The following GBP7 variants were observed in gnomAD, a reference collection of about 807,000 sequenced individuals.
GBP7 encodes guanylate-binding protein 7.
GBP7 carries 43 observed loss-of-function variants against 61.3 expected under a neutral mutation model. The ratio of observed to expected loss-of-function variants is 0.70; its 90% CI spans 0.55 to 0.91. GBP7 has a LOEUF of 0.91. Among genes scored for constraint, GBP7 ranks in the 40% least tolerant of loss-of-function variants. The pLI is 0.00. For synonymous variants in GBP7, 267 were observed against 271.0 expected, an observed-to-expected ratio of 0.99 and a Z score of 0.14; for missense variants, 717 against 740.5, an observed-to-expected ratio of 0.97 and a Z score of 0.37.
intron 3 of GBP7, among the ~76,000 whole-genome samples, chr1:89,160,977 T>C (rs572246576): frequency 6.6e-6 from 1 of 152,246 alleles, no homozygotes; most frequent in South Asian, 2.1e-4. Context: ...GTTGTTTCCC[T>C]CTATGTGTCC....
At chr1:89,166,802 T>G (rs1255254044) in intron 2 of GBP7, among the ~76,000 whole-genome samples, 1 of 152,240 alleles carries the variant, frequency 6.6e-6, no homozygotes, top group Non-Finnish European at 1.5e-5. Context: ...AACTGTAAAC[T>G]TGCAAGTGGT....
chr1:89,171,615 A>T, intron 2 of GBP7, 131 bp downstream of exon 2: 1 of 707,404 alleles, frequency 1.4e-6, no homozygotes, highest in Non-Finnish European at 2.2e-6. Context: ...TGAAGGGTTC[A>T]CTGATGAATT....
chr1:89,165,778 G>T lies in GBP7; in HGVS notation c.191-920C>A, dbSNP rs141835174. Among the ~76,000 whole-genome samples, 398 of 151,916 alleles carry T rather than the reference G, an allele frequency of 2.6e-3. 4 individuals are homozygous for T. The highest frequency in any genetic ancestry group is 9.3e-3 in the African/African-American group (387 of 41,418). On this transcript the variant is annotated intron_variant, in intron 2 of 10. Transcript: ENST00000294671. ...CAACAGGGCCTGTTGGGGGGTGGGG[G>T]CTAGGGGAGGGATAGTATTAGGAGA...
intron 10 of GBP7, among the ~76,000 whole-genome samples, 178 bp downstream of exon 10, chr1:89,133,080 G>C (rs1222469725): frequency 6.6e-6 from 1 of 152,198 alleles, no homozygotes; most frequent in Non-Finnish European, 1.5e-5. Context: ...ATGACAGAAA[G>C]TGCTGAAGTC....
chr1:89,140,895 C>T (rs2100639491), intron 9 of GBP7, among the ~76,000 whole-genome samples: 1 of 152,260 alleles, frequency 6.6e-6, no homozygotes, highest in African/African-American at 2.4e-5. Flanking sequence ...ATGTTCTTTG[C>T]AGCACTGTGG....
intron 9 of GBP7, among the ~76,000 whole-genome samples, chr1:89,136,220 C>G (rs760340114): frequency 1.2e-4 from 19 of 152,098 alleles, no homozygotes; most frequent in Non-Finnish European, 2.6e-4. Context: ...TAGTTGGAGT[C>G]TTCAACACTC....
At chr1:89,136,227 A>T (rs1324823811) in intron 9 of GBP7, among the ~76,000 whole-genome samples, 1 of 152,174 alleles carries the variant, frequency 6.6e-6, no homozygotes, top group Non-Finnish European at 1.5e-5. Flanking sequence ...AGTCTTCAAC[A>T]CTCCACTGAC....
At chr1:89,139,716 G>A (rs1167155951) in intron 9 of GBP7, among the ~76,000 whole-genome samples, 1 of 152,238 alleles carries the variant, frequency 6.6e-6, no homozygotes, top group African/African-American at 2.4e-5. Context: ...GGCCATCAGA[G>A]AAATGCAAAT....
chr1:89,139,526 A>G (rs2100638148), intron 9 of GBP7, among the ~76,000 whole-genome samples: 1 of 152,364 alleles, frequency 6.6e-6, no homozygotes, highest in East Asian at 1.9e-4. Flanking sequence ...AAATGGGAGA[A>G]AATTTTTGCA....
In GBP7 at chr1:89,132,325, G is replaced by T. The variant is rs749385453; in HGVS notation, c.1741C>A (p.Gln581Lys). ...TCTTCATTTTCAGCTGCTTCAATTT[G>T]TTCTTTCAGTCGATTAATCTCTTCA... is the stretch of plus-strand genomic sequence containing the variant. ...LNEEINRLKE[Q>K]IEAAENEEPS... The change falls in exon 11 of 11, where the codon CAA becomes AAA. Residue 581 changes from glutamine (Q) to lysine (K), a missense_variant. Physicochemically the swap from Gln to Lys is moderately conservative, Grantham distance 53. Coordinates refer to ENST00000294671, the MANE Select transcript of GBP7 (RefSeq NM_207398.3). 3 of 1,613,434 alleles carry T rather than the reference G, an allele frequency of 1.9e-6. No homozygotes were observed. Among genetic ancestry groups the T allele is most frequent in the Non-Finnish European group, 2.5e-6 (3 of 1,179,650 alleles).
intron 3 of GBP7, among the ~76,000 whole-genome samples, chr1:89,154,153 T>G (rs908636579): frequency 1.3e-5 from 2 of 152,196 alleles, no homozygotes; most frequent in African/African-American, 4.8e-5. Context: ...ATTTGTATAT[T>G]TTGGTCCCTT....
chr1:89,157,465 G>A (rs970730552), intron 3 of GBP7, among the ~76,000 whole-genome samples: 9 of 151,712 alleles, frequency 5.9e-5, no homozygotes, highest in Non-Finnish European at 1.0e-4. Flanking sequence ...CTACCAAGAC[G>A]AATAAAGAAG....
In GBP7 at chr1:89,132,056, T is replaced by A. The variant is rs1379495591; in HGVS notation, c.*93A>T. 1.8e-6 allele frequency: 2 copies of A among 1,094,970 alleles called. No homozygotes were observed. Among genetic ancestry groups the A allele is most frequent in the African/African-American group, 3.2e-5 (2 of 62,852 alleles). The allele number at this position is 1,094,970 out of a possible 1,614,324, so 67.8% of individuals were successfully genotyped here. ...GGCCATAATATTCTTTGAAATTTGCTTTTTAATTTTAAACTTTTCTTAAAT... is the reference window on the plus strand; with the variant it reads ...GGCCATAATATTCTTTGAAATTTGCATTTTAATTTTAAACTTTTCTTAAAT... On this transcript the variant is annotated 3_prime_UTR_variant, in exon 11 of 11. Transcript: ENST00000294671.
chr1:89,142,901 G>A (rs1681985506), intron 8 of GBP7, among the ~76,000 whole-genome samples: 1 of 152,042 alleles, frequency 6.6e-6, no homozygotes, highest in Non-Finnish European at 1.5e-5. Context: ...CACTTTCATT[G>A]TGATATAGTA....
chr1:89,166,924 A>T (rs952646035), intron 2 of GBP7, among the ~76,000 whole-genome samples: 3 of 152,106 alleles, frequency 2.0e-5, no homozygotes, highest in Non-Finnish European at 4.4e-5. Flanking sequence ...AAACAAATAA[A>T]CTTTTGTTTC....
chr1:89,159,769 G>A (rs1419963396), intron 3 of GBP7, among the ~76,000 whole-genome samples: 1 of 152,196 alleles, frequency 6.6e-6, no homozygotes, highest in Admixed American at 6.5e-5. Context: ...TGGTGGGACC[G>A]TAATCTAGTT....
intron 3 of GBP7, among the ~76,000 whole-genome samples, chr1:89,159,810 A>G (rs760520060): frequency 6.6e-6 from 1 of 152,194 alleles, no homozygotes; most frequent in African/African-American, 2.4e-5. Context: ...TGGTGATTCC[A>G]CAAGGATCTA....
intron 3 of GBP7, among the ~76,000 whole-genome samples, chr1:89,154,348 C>A (rs890221224): frequency 6.6e-6 from 1 of 152,078 alleles, no homozygotes; most frequent in African/African-American, 2.4e-5. Context: ...GCCAAAAATT[C>A]TATTTTCTTT....
intron 7 of GBP7, 25 bp downstream of exon 7, chr1:89,149,267 G>GA (rs754456593): frequency 0.047 from 45,042 of 968,516 alleles, 1 homozygote; most frequent in South Asian, 0.062. Context: ...CAGGAATCAA[G>GA]AAAAAAAAAA....
Sources: allele counts gnomAD v4.1 joint callset (sites outside exome capture counted in the v4.1 genomes callset), GRCh38; gene constraint gnomAD v4.1.1; transcripts MANE v1.5; gene names NCBI Gene and HGNC (gene_info 2026-07-23, HGNC 2026-07-21).